The following THSD7A variants were observed in gnomAD, a reference collection of about 807,000 sequenced individuals.
The protein encoded by THSD7A is thrombospondin type-1 domain-containing protein 7A.
THSD7A carries 96 observed loss-of-function variants against 231.3 expected under a neutral mutation model. The observed-to-expected ratio is 0.41, with a 90% CI of 0.35 to 0.49. The LOEUF (loss-of-function observed/expected upper bound fraction) is 0.49. Ranked by LOEUF, THSD7A falls within the 20% of genes least tolerant of loss-of-function variation. The probability of loss-of-function intolerance (pLI) is 0.05; values close to 1 mark genes in which losing one functional copy is unlikely to be tolerated. For missense variants in THSD7A, 2,290 were observed against 2,070.2 expected (o/e 1.11, Z -2.06); for synonymous variants, 940 against 743.3 (o/e 1.26, Z -4.30).
chr7:11,411,119 G>A lies in THSD7A; in HGVS notation c.3798+88C>T, dbSNP rs1474733328. ...GAAAAACATCTGCTGGCAATGAGCT[G>A]CATGGAGCACGGGTCACTTGGCTCA... On this transcript the variant is annotated intron_variant, in intron 19 of 27. Coordinates refer to ENST00000423059, the MANE Select transcript of THSD7A (RefSeq NM_015204.3). This position sits in a 1 kb window ranked among gnomAD's most constrained non-coding sequence, Gnocchi z 4.1. 2.2e-6 allele frequency: 2 copies of A among 929,812 alleles called. No homozygotes were observed. Among genetic ancestry groups the A allele is most frequent in the African/African-American group, 1.6e-5 (1 of 61,164 alleles). The allele number at this position is 929,812 out of a possible 1,614,324, so 57.6% of individuals were successfully genotyped here.
intron 1 of THSD7A, among the ~76,000 whole-genome samples, chr7:11,703,757 G>A (rs1780677783): frequency 6.6e-6 from 1 of 151,096 alleles, no homozygotes; most frequent in Non-Finnish European, 1.5e-5. Flanking sequence ...TGATCAAATA[G>A]ACTTGGATGG....
Position 11,636,666 on chromosome 7 carries a change from C to CTGGA in THSD7A, c.482_485dup (p.Gln162HisfsTer15). On this transcript the variant is annotated frameshift_variant, in exon 2 of 28. Transcript: ENST00000423059. LOFTEE classifies it high-confidence loss of function. This position sits in a 1 kb window ranked among gnomAD's most constrained non-coding sequence, Gnocchi z 10.0. ...CCTCCGCAGGAATGTCTTTGTCTTT[C>CTGGA]TGGATGCACGCTATCTCCCTCACCT... The CTGGA allele has an allele frequency of 6.2e-7, 1 of 1,614,006 alleles. No homozygotes were observed. The highest frequency in any genetic ancestry group is 8.5e-7 in the Non-Finnish European group (1 of 1,179,904).
rs565230320 is a variant in THSD7A, at chr7:11,811,114, T to A, written c.190+20643A>T. On this transcript the variant is annotated intron_variant, in intron 1 of 27. Coordinates refer to ENST00000423059, the MANE Select transcript of THSD7A (RefSeq NM_015204.3). ...GTTAATGTTAAGGATATTTTATTAG[T>A]TTACAATATTTTAAAACTTGGTGAT... is the stretch of plus-strand genomic sequence containing the variant. Among the ~76,000 whole-genome samples, 3 of 152,272 alleles carry A rather than the reference T, an allele frequency of 2.0e-5. No homozygotes were observed. The South Asian group carries it at 6.2e-4, about 32-fold the overall frequency.
intron 1 of THSD7A, among the ~76,000 whole-genome samples, chr7:11,778,477 G>A (rs1012925927): frequency 4.6e-5 from 7 of 152,012 alleles, no homozygotes; most frequent in Non-Finnish European, 1.0e-4. Context: ...CAGAAATAAA[G>A]CTCTATGTAT....
intron 1 of THSD7A, among the ~76,000 whole-genome samples, chr7:11,664,108 T>C (rs1351319692): frequency 6.6e-6 from 1 of 151,776 alleles, no homozygotes; most frequent in Non-Finnish European, 1.5e-5. Context: ...ACTCTTTTTA[T>C]TATATTGATA....
intron 2 of THSD7A, among the ~76,000 whole-genome samples, chr7:11,629,630 T>TG (rs1215168161): frequency 1.3e-5 from 2 of 152,294 alleles, no homozygotes; most frequent in African/African-American, 4.8e-5. Flanking sequence ...AGCGTGGGGA[T>TG]GGGCCCTCAG....
chr7:11,487,053 A>G (rs1304672717), intron 6 of THSD7A, among the ~76,000 whole-genome samples: 1 of 152,204 alleles, frequency 6.6e-6, no homozygotes, highest in African/African-American at 2.4e-5. Context: ...CTTTCTTCAA[A>G]AATGTAATTT....
intron 4 of THSD7A, among the ~76,000 whole-genome samples, chr7:11,558,039 T>G (rs1789921718): frequency 1.3e-5 from 2 of 152,168 alleles, no homozygotes; most frequent in Non-Finnish European, 2.9e-5. Context: ...GTCCTTTGGC[T>G]AGAAAGAGCA....
chr7:11,559,792 A>G (rs928761834), intron 4 of THSD7A, among the ~76,000 whole-genome samples: 2 of 152,186 alleles, frequency 1.3e-5, no homozygotes, highest in African/African-American at 4.8e-5. Context: ...TTAAAGTTTG[A>G]TAACACTAAG....
chr7:11,605,833 T>C (rs1293662179), intron 2 of THSD7A, among the ~76,000 whole-genome samples: 2 of 152,122 alleles, frequency 1.3e-5, no homozygotes, highest in Non-Finnish European at 2.9e-5. Flanking sequence ...CTATTTTCTG[T>C]GGCTACAGGA....
intron 15 of THSD7A, 72 bp from the exon 16 acceptor site, chr7:11,424,901 A>G: frequency 6.4e-7 from 1 of 1,564,970 alleles, no homozygotes; most frequent in African/African-American, 1.4e-5. Context: ...CCACACCATA[A>G]CAGCAATCAT....
intron 1 of THSD7A, among the ~76,000 whole-genome samples, chr7:11,720,619 T>A (rs1406329025): frequency 6.6e-6 from 1 of 151,812 alleles, no homozygotes; most frequent in Non-Finnish European, 1.5e-5. Context: ...GTTGCTTTTT[T>A]CATTTTCTTT....
intron 1 of THSD7A, among the ~76,000 whole-genome samples, chr7:11,785,437 T>G (rs898323758): frequency 6.6e-6 from 1 of 152,238 alleles, no homozygotes; most frequent in African/African-American, 2.4e-5. Context: ...TTTTGTGAAC[T>G]CAATCCTACT....
At chr7:11,484,727 T>C (rs1786575989) in intron 6 of THSD7A, among the ~76,000 whole-genome samples, 1 of 151,970 alleles carries the variant, frequency 6.6e-6, no homozygotes, top group South Asian at 2.1e-4. Context: ...TCTAGACAAA[T>C]AGAGATCTAA....
At chr7:11,555,556 A>G (rs1789809616) in intron 4 of THSD7A, among the ~76,000 whole-genome samples, 1 of 151,878 alleles carries the variant, frequency 6.6e-6, no homozygotes, top group African/African-American at 2.4e-5. Context: ...GAGTAATTAT[A>G]ATAATCCCTT....
chr7:11,807,744 A>G (rs557598627), intron 1 of THSD7A, among the ~76,000 whole-genome samples: 1 of 152,190 alleles, frequency 6.6e-6, no homozygotes, highest in East Asian at 1.9e-4. Flanking sequence ...AGCCTCATAT[A>G]CTCTGTAAAA....
At chr7:11,410,782 C>A (rs1783756846) in intron 19 of THSD7A, among the ~76,000 whole-genome samples, 2 of 151,902 alleles carry the variant, frequency 1.3e-5, no homozygotes, top group Admixed American at 6.6e-5. Context: ...GTATTAGATC[C>A]TAATATCAAA....
intron 22 of THSD7A, among the ~76,000 whole-genome samples, chr7:11,405,850 TGA>T (rs1783563605): frequency 6.6e-6 from 1 of 152,234 alleles, no homozygotes; most frequent in African/African-American, 2.4e-5. Flanking sequence ...TATCTAGGTA[TGA>T]GTTTGTTGTT....
Position 11,682,481 on chromosome 7 carries a change from C to A in THSD7A, c.191-45520G>T, listed in dbSNP as rs114484674. ...TGTATCAGATAAAACAGTCTTAAAC[C>A]AGCAACAATAAAAAGCAAACAAACA... On this transcript the variant is annotated intron_variant, in intron 1 of 27. Transcript: ENST00000423059. Among the ~76,000 whole-genome samples, 1,126 of 152,026 alleles carry A rather than the reference C, an allele frequency of 7.4e-3. 12 individuals are homozygous for A. Among genetic ancestry groups the A allele is most frequent in the African/African-American group, 0.026 (1,066 of 41,502 alleles).
Sources: gnomAD v4.1 joint callset for allele counts (sites outside exome capture counted in the v4.1 genomes callset) on GRCh38, gnomAD v4.1.1 for gene constraint, Gnocchi (gnomAD v3.1) non-coding constraint, MANE v1.5 for transcripts, NCBI Gene and HGNC (gene_info 2026-07-23, HGNC 2026-07-21) for gene names.